Variants in GRIN2B observed in about 807,000 individuals in gnomAD.
GRIN2B encodes glutamate ionotropic receptor NMDA type subunit 2B.
GRIN2B carries 5 observed loss-of-function variants against 114.5 expected under a neutral mutation model. The ratio of observed to expected loss-of-function variants is 0.04; its 90% confidence interval spans 0.02 to 0.09. The LOEUF (loss-of-function observed/expected upper bound fraction) is 0.09. Ranked by LOEUF, GRIN2B falls within the 10% of genes least tolerant of loss-of-function variation. The pLI is 1.00. For missense variants in GRIN2B, 1,108 were observed against 1,943.5 expected (o/e 0.57, Z 8.08); for synonymous variants, 787 against 745.1 (o/e 1.06, Z -0.92).
intron 10 of GRIN2B, among the ~76,000 whole-genome samples, chr12:13,604,673 C>T (rs532796323): frequency 1.3e-5 from 2 of 152,278 alleles, no homozygotes; most frequent in African/African-American, 2.4e-5. Context: ...TATACTTCCT[C>T]TCATGCATTA....
At chr12:13,812,905 G>A (rs1346822390) in intron 3 of GRIN2B, among the ~76,000 whole-genome samples, 3 of 151,046 alleles carry the variant, frequency 2.0e-5, no homozygotes, top group African/African-American at 7.3e-5. Flanking sequence ...CTTGCAACAA[G>A]GTAAGTAATT....
intron 3 of GRIN2B, among the ~76,000 whole-genome samples, chr12:13,841,224 G>T (rs760890333): frequency 1.9e-4 from 29 of 152,210 alleles, no homozygotes; most frequent in Non-Finnish European, 3.7e-4. Context: ...CCTAATGAAT[G>T]ATTTATCCAA....
chr12:13,753,688 A>C lies in GRIN2B; in HGVS notation c.639T>G (p.Asp213Glu). 1 of 1,614,096 alleles carries C rather than the reference A, an allele frequency of 6.2e-7. No homozygotes were observed. Among genetic ancestry groups the C allele is most frequent in the Non-Finnish European group, 8.5e-7 (1 of 1,179,970 alleles). ...TCTTGAGCTGATTCTGGATCTTAGA[A>C]TCTCCATCGTCCAGGGACATGTCCA... ...LLLDMSLDDGDSKIQNQLKKL... is the reference protein window; with the variant it reads ...LLLDMSLDDGESKIQNQLKKL... Residue 213 changes from aspartate to glutamate, a missense_variant, in exon 4 of 14, where the codon GAT (aspartate) becomes GAG (glutamate). This residue lies in a region of GRIN2B where 199 missense variants were observed against 439.6 expected (regional missense o/e 0.45). Transcript: ENST00000609686. The surrounding 1 kb of genome is among the most constrained non-coding windows in gnomAD (Gnocchi z 6.2).
rs573683615 is a variant in GRIN2B at position 13,974,387 on chromosome 12, T to C, written c.-19+5541A>G. 2.6e-5 allele frequency among the ~76,000 whole-genome samples: 4 copies of C among 152,368 alleles called. No homozygotes were observed. The South Asian group carries it at 8.3e-4, about 32-fold the overall frequency. ...AGCAGAAATTAGAGCCTCTTCCTTC[T>C]TTTAAGACGACCCTGGCTTTATTCT... On this transcript the variant is annotated intron_variant, in intron 2 of 13. Coordinates refer to ENST00000609686, the MANE Select transcript of GRIN2B (RefSeq NM_000834.5).
rs1465673443 is a variant in GRIN2B, at chr12:13,558,776, C to G, written c.*4007G>C. 6.6e-6 allele frequency: 1 copy of G among 152,154 alleles called. No homozygotes were observed. Among genetic ancestry groups the G allele is most frequent in the African/African-American group, 2.4e-5 (1 of 41,402 alleles). 9.4% of individuals were successfully genotyped at this position (152,154 alleles called of 1,614,324 possible). On this transcript the variant is annotated 3_prime_UTR_variant, in exon 14 of 14. Transcript: ENST00000609686. Reference sequence around the variant, plus strand: ...GTTTCCCAAGTTCTGGCTGAGGATACACAGTGACAGATTTTGAAATAACAA... The same window carrying G: ...GTTTCCCAAGTTCTGGCTGAGGATAGACAGTGACAGATTTTGAAATAACAA...
chr12:13,793,949 C>T (rs1864362475), intron 3 of GRIN2B, among the ~76,000 whole-genome samples: 1 of 148,168 alleles, frequency 6.7e-6, no homozygotes, highest in Non-Finnish European at 1.5e-5. Flanking sequence ...CACCTGTAAT[C>T]CCAGCACTTT....
intron 2 of GRIN2B, among the ~76,000 whole-genome samples, chr12:13,972,928 G>A (rs1388191047): frequency 1.3e-5 from 2 of 152,232 alleles, no homozygotes; most frequent in Non-Finnish European, 2.9e-5. Context: ...ATATGCACAG[G>A]TGTGTGGGGG....
chr12:13,948,719 A>G (rs1489823801), intron 2 of GRIN2B, among the ~76,000 whole-genome samples: 4 of 152,176 alleles, frequency 2.6e-5, no homozygotes, highest in African/African-American at 9.7e-5. Flanking sequence ...TCTCATCAGC[A>G]TGCCAAGGAT....
chr12:13,758,932 T>C (rs991138356), intron 3 of GRIN2B, among the ~76,000 whole-genome samples: 1 of 152,054 alleles, frequency 6.6e-6, no homozygotes, highest in Non-Finnish European at 1.5e-5. Context: ...TGTATTAATA[T>C]TGTAGACGTT....
At chr12:13,834,019 T>A (rs1290657980) in intron 3 of GRIN2B, among the ~76,000 whole-genome samples, 1 of 121,648 alleles carries the variant, frequency 8.2e-6, no homozygotes, top group Non-Finnish European at 1.7e-5. Flanking sequence ...TTTGCTAACT[T>A]CTTTTTTTTT....
chr12:13,950,226 G>A (rs1473061648), intron 2 of GRIN2B, among the ~76,000 whole-genome samples: 1 of 152,170 alleles, frequency 6.6e-6, no homozygotes, highest in African/African-American at 2.4e-5. Context: ...AGGTTATAAA[G>A]TATTCTTCCT....
chr12:13,854,531 C>G (rs962709743), intron 3 of GRIN2B, among the ~76,000 whole-genome samples: 15 of 151,594 alleles, frequency 9.9e-5, no homozygotes, highest in African/African-American at 3.4e-4. Context: ...AAACAAGAAG[C>G]AAAAAGCAAA....
rs1948772096 is a variant in GRIN2B, at chr12:13,576,108, T to G, written c.2011-4144A>C. 2.0e-5 allele frequency among the ~76,000 whole-genome samples: 3 copies of G among 152,210 alleles called. No homozygotes were observed. The South Asian group carries it at 6.2e-4, about 32-fold the overall frequency. On this transcript the variant is annotated intron_variant, in intron 10 of 13. Coordinates refer to ENST00000609686, the MANE Select transcript of GRIN2B (RefSeq NM_000834.5). ...AAAGCAGTGAGTTTGCCTTTTCTTT[T>G]GAAAATTCTTGTCCCAGCCTGGTGA...
In GRIN2B at chr12:13,544,887, A is replaced by G. The variant is rs1948324396; in HGVS notation, c.*17896T>C. ...CTTCCATTGTCTGCCCTCTCAGGGT[A>G]TACTCTCAACACAGCAGTCCCAAAG... On this transcript the variant is annotated 3_prime_UTR_variant, in exon 14 of 14. Transcript: ENST00000609686. 1.3e-5 allele frequency: 2 copies of G among 152,232 alleles called. No individual in the cohort carries two copies. The highest frequency in any genetic ancestry group is 4.8e-5 in the African/African-American group (2 of 41,438). The allele number at this position is 152,232 out of a possible 1,614,324, so 9.4% of individuals were successfully genotyped here. A position where few individuals can be genotyped will look rare whatever the true frequency, so the allele number is the denominator to read the frequency against.
intron 3 of GRIN2B, among the ~76,000 whole-genome samples, chr12:13,759,750 T>C (rs986581515): frequency 1.3e-5 from 2 of 152,196 alleles, no homozygotes; most frequent in African/African-American, 4.8e-5. Flanking sequence ...CAAAGAAGGA[T>C]GATCTTTTGT....
intron 3 of GRIN2B, among the ~76,000 whole-genome samples, chr12:13,848,887 A>T (rs144082572): frequency 6.6e-6 from 1 of 152,270 alleles, no homozygotes; most frequent in Non-Finnish European, 1.5e-5. Flanking sequence ...TTTTCATAAC[A>T]ACCACTGAAC....
At chr12:13,646,537 C>T (rs1443366262) in intron 5 of GRIN2B, among the ~76,000 whole-genome samples, 1 of 152,156 alleles carries the variant, frequency 6.6e-6, no homozygotes, top group Non-Finnish European at 1.5e-5. Context: ...TACAATGTCA[C>T]TCCCTTAATT....
intron 2 of GRIN2B, among the ~76,000 whole-genome samples, chr12:13,939,104 T>A (rs1867184794): frequency 6.6e-6 from 1 of 152,190 alleles, no homozygotes; most frequent in Non-Finnish European, 1.5e-5. Flanking sequence ...CCATCCAATA[T>A]CATTATTATT....
In GRIN2B at chr12:13,537,631, C is replaced by T. The variant is rs1948228608; in HGVS notation, c.*25152G>A. The T allele has an allele frequency of 6.6e-6, 1 of 152,146 alleles. No individual in the cohort carries two copies. Among genetic ancestry groups the T allele is most frequent in the Non-Finnish European group, 1.5e-5 (1 of 68,036 alleles). The allele number at this position is 152,146 out of a possible 1,614,324, so 9.4% of individuals were successfully genotyped here. On this transcript the variant is annotated 3_prime_UTR_variant, in exon 14 of 14. Transcript: ENST00000609686. Reference sequence around the variant, plus strand: ...TAGAAGTAAATAGGAGGCCCGCTTTCCCCAGATGCACATACATAGTGGTTC... The same window carrying T: ...TAGAAGTAAATAGGAGGCCCGCTTTTCCCAGATGCACATACATAGTGGTTC...
Sources: gnomAD v4.1 joint callset for allele counts (sites outside exome capture counted in the v4.1 genomes callset) on GRCh38, gnomAD v4.1.1 for gene constraint, gnomAD v4.1.1 regional missense constraint, Gnocchi (gnomAD v3.1) non-coding constraint, MANE v1.5 for transcripts, NCBI Gene and HGNC (gene_info 2026-07-23, HGNC 2026-07-21) for gene names.